Variants in ATP6V1G1 observed in about 807,000 individuals in gnomAD.
The protein encoded by ATP6V1G1 is ATPase H+ transporting V1 subunit G1, also known as V-type proton ATPase subunit G 1.
In ATP6V1G1, 14 loss-of-function variants were observed where a neutral mutation model predicts 14.2. That is an observed-to-expected ratio of 0.99 (90% CI 0.65 to 1.55). The LOEUF is 1.55. ATP6V1G1 is among the 40% of genes most tolerant of loss of function. The pLI is 0.00. For synonymous variants in ATP6V1G1, 65 were observed against 53.3 expected (o/e 1.22, Z -0.96); for missense variants, 137 against 146.4 (o/e 0.94, Z 0.33).
rs1207468899 is a variant in ATP6V1G1, at chr9:114,597,596, C to G, written c.210C>G (p.Ser70Arg). Residue 70 changes from serine to arginine, a missense_variant, in exon 3 of 3, where the codon AGC becomes AGG. Transcript: ENST00000374050. ...AAALGSRGSC[S>R]TEVEKETQEK... is the part of the protein sequence containing the mutation. The stretch of plus-strand genomic sequence containing the variant: ...CATTGGGATCCCGTGGCAGTTGCAG[C>G]ACTGAAGTGGAGAAGGAGACCCAGG... The G allele has an allele frequency of 6.5e-7, 1 of 1,537,984 alleles. No individual in the cohort carries two copies. The highest frequency in any genetic ancestry group is 1.3e-5 in the South Asian group (1 of 79,516).
chr9:114,591,804 CTCTT>C (rs996558212), intron 1 of ATP6V1G1, among the ~76,000 whole-genome samples: 2 of 151,610 alleles, frequency 1.3e-5, no homozygotes, highest in Admixed American at 6.6e-5. Flanking sequence ...TCTAGAACCT[CTCTT>C]TTTTTTTTTT....
intron 1 of ATP6V1G1, among the ~76,000 whole-genome samples, chr9:114,589,024 T>C (rs1845157859): frequency 6.6e-6 from 1 of 152,166 alleles, no homozygotes; most frequent in Non-Finnish European, 1.5e-5. Flanking sequence ...CTGCAGGTTT[T>C]TGCACACGCT....
intron 2 of ATP6V1G1, among the ~76,000 whole-genome samples, chr9:114,594,662 C>G (rs190377863): frequency 6.6e-6 from 1 of 151,356 alleles, no homozygotes; most frequent in African/African-American, 2.4e-5. Context: ...GGATTACAGG[C>G]GTGAGCCACC....
At position 114,598,843 on chromosome 9, in the gene ATP6V1G1, A is replaced by G. The variant is rs959257095; in HGVS notation, c.*1100A>G. ...GGGATTTCCTTGCTTGTTCTGATAC[A>G]ATACAACTAGATGACCTTAAAAACC... On this transcript the variant is annotated 3_prime_UTR_variant, in exon 3 of 3. Transcript: ENST00000374050. Among the ~76,000 whole-genome samples the G allele has an allele frequency of 6.6e-6, 1 of 152,190 alleles. No individual in the cohort carries two copies. The highest frequency in any genetic ancestry group is 2.4e-5 in the African/African-American group (1 of 41,430).
At chr9:114,594,444 C>T (rs982194835) in intron 2 of ATP6V1G1, among the ~76,000 whole-genome samples, 3 of 149,324 alleles carry the variant, frequency 2.0e-5, no homozygotes, top group East Asian at 2.0e-4. Flanking sequence ...AGCGCAGTGG[C>T]GTCATCTCAG....
intron 1 of ATP6V1G1, among the ~76,000 whole-genome samples, chr9:114,591,446 CT>C (rs1037359797): frequency 6.6e-6 from 1 of 152,122 alleles, no homozygotes; most frequent in Non-Finnish European, 1.5e-5. Flanking sequence ...CCCATTATAG[CT>C]GATGGGAAGA....
chr9:114,587,876 A>T lies in ATP6V1G1; in HGVS notation c.38A>T (p.Gln13Leu). The change falls in exon 1 of 3, where the codon CAG becomes CTG. Residue 13 changes from glutamine to leucine, a missense_variant. Transcript: ENST00000374050. ...TCTCAGGGGATTCAGCAGCTGCTGC[A>T]GGCCGAGAAGCGGGCAGCCGAGAAG... ...SQSQGIQQLLQAEKRAAEKVS... is the reference protein window; with the variant it reads ...SQSQGIQQLLLAEKRAAEKVS... The T allele has an allele frequency of 6.3e-7, 1 of 1,593,480 alleles. No homozygotes were observed. Among genetic ancestry groups the T allele is most frequent in the Non-Finnish European group, 8.5e-7 (1 of 1,170,728 alleles).
At chr9:114,590,094 A>G (rs1845167526) in intron 1 of ATP6V1G1, among the ~76,000 whole-genome samples, 1 of 150,650 alleles carries the variant, frequency 6.6e-6, no homozygotes, top group Non-Finnish European at 1.5e-5. Context: ...GCTACTTGGG[A>G]GGCTGAGACA....
chr9:114,597,191 C>T (rs978813887), intron 2 of ATP6V1G1, among the ~76,000 whole-genome samples: 5 of 151,760 alleles, frequency 3.3e-5, no homozygotes, highest in Non-Finnish European at 7.4e-5. Flanking sequence ...GGGGTTTCAC[C>T]GTGTTAGCCA....
At chr9:114,589,061 C>A (rs1187703592) in intron 1 of ATP6V1G1, among the ~76,000 whole-genome samples, 1 of 152,162 alleles carries the variant, frequency 6.6e-6, no homozygotes, top group African/African-American at 2.4e-5. Context: ...GAAGCCTTTT[C>A]CAATTCTCCT....
intron 2 of ATP6V1G1, 162 bp downstream of exon 2, chr9:114,592,814 A>G: frequency 1.4e-6 from 1 of 693,668 alleles, no homozygotes; most frequent in Non-Finnish European, 2.4e-6. Context: ...TAGGATGATC[A>G]GTTTTTCCAT....
intron 2 of ATP6V1G1, among the ~76,000 whole-genome samples, chr9:114,596,310 C>T (rs1011857987): frequency 1.3e-5 from 2 of 151,304 alleles, no homozygotes; most frequent in African/African-American, 4.9e-5. Context: ...ATGGCGTGAA[C>T]CCGGGAGGCG....
At chr9:114,591,073 C>T (rs755220992) in intron 1 of ATP6V1G1, among the ~76,000 whole-genome samples, 2 of 152,256 alleles carry the variant, frequency 1.3e-5, no homozygotes, top group Admixed American at 6.5e-5. Flanking sequence ...GGATTACAGG[C>T]GTGAGCCAGC....
chr9:114,592,467 C>A, intron 1 of ATP6V1G1, 85 bp from the exon 2 acceptor site: 1 of 1,295,920 alleles, frequency 7.7e-7, no homozygotes. Flanking sequence ...TTATTCTTGG[C>A]TTATTGTTAT....
At chr9:114,592,473 GTT>G (rs1845192236) in intron 1 of ATP6V1G1, 77 bp from the exon 2 acceptor site, 1 of 1,343,496 alleles carries the variant, frequency 7.4e-7, no homozygotes, top group Non-Finnish European at 1.0e-6. Flanking sequence ...TTGGCTTATT[GTT>G]ATAATATACC....
chr9:114,597,267 G>C (rs1222773298), intron 2 of ATP6V1G1, among the ~76,000 whole-genome samples: 2 of 152,098 alleles, frequency 1.3e-5, no homozygotes, highest in East Asian at 3.8e-4. Flanking sequence ...TGGGATTACA[G>C]GCGTGAGCCA....
intron 1 of ATP6V1G1, among the ~76,000 whole-genome samples, chr9:114,592,255 T>G (rs1266037050): frequency 6.6e-6 from 1 of 152,214 alleles, no homozygotes; most frequent in Admixed American, 6.5e-5. Context: ...ATGTTGGTTC[T>G]TAATAGTTGA....
In ATP6V1G1 at chr9:114,592,637, G is replaced by A; in HGVS notation, c.168G>A (p.Lys56=). ...GCCTGCAGAGGGAGAAAGAATTCAA[G>A]GCCAAGGAAGCTGCGGTGGGGCACC... ...QYRLQREKEF[K]AKEAAALGSR... The change falls in exon 2 of 3, where the codon AAG becomes AAA. Residue 56 remains lysine, a synonymous_variant. Transcript: ENST00000374050. 6.3e-7 allele frequency: 1 copy of A among 1,576,274 alleles called. No homozygotes were observed. Among genetic ancestry groups the A allele is most frequent in the Non-Finnish European group, 8.6e-7 (1 of 1,159,858 alleles).
chr9:114,588,951 G>A (rs928797005), intron 1 of ATP6V1G1, among the ~76,000 whole-genome samples: 4 of 152,186 alleles, frequency 2.6e-5, no homozygotes, highest in Non-Finnish European at 5.9e-5. Context: ...GGTCAGGCCT[G>A]GTGCTTTCCT....
Sources: gnomAD v4.1 joint callset for allele counts (sites outside exome capture counted in the v4.1 genomes callset) on GRCh38, gnomAD v4.1.1 for gene constraint, MANE v1.5 for transcripts, NCBI Gene and HGNC (gene_info 2026-07-23, HGNC 2026-07-21) for gene names.